Variants in HHIPL1 observed in about 807,000 individuals in gnomAD.
HHIPL1 encodes the protein HHIP-like protein 1.
HHIPL1 carries 43 observed loss-of-function variants against 61.8 expected under a neutral mutation model. That is an observed-to-expected ratio of 0.70 (90% CI 0.55 to 0.90). The LOEUF (loss-of-function observed/expected upper bound fraction) is 0.90, where lower values mean the gene tolerates loss of function less well. Among genes scored for constraint, HHIPL1 ranks in the 40% least tolerant of loss-of-function variants. The pLI, the probability that HHIPL1 is intolerant of heterozygous loss-of-function variation, is 0.00. For synonymous variants in HHIPL1, 482 were observed against 515.8 expected, an observed-to-expected ratio of 0.93 and a Z score of 0.89; for missense variants, 1,056 against 1,157.7, an observed-to-expected ratio of 0.91 and a Z score of 1.28.
intron 1 of HHIPL1, among the ~76,000 whole-genome samples, chr14:99,646,465 G>T (rs2055835510): frequency 6.6e-6 from 1 of 152,236 alleles, no homozygotes; most frequent in African/African-American, 2.4e-5. Context: ...GCAGGTCACT[G>T]CTGCACCTCA....
chr14:99,646,513 G>A (rs2055836021), intron 1 of HHIPL1, among the ~76,000 whole-genome samples: 1 of 152,202 alleles, frequency 6.6e-6, no homozygotes, highest in Admixed American at 6.5e-5. Flanking sequence ...GGTGGCTTAT[G>A]CCTGTAATCC....
chr14:99,655,497 A>G (rs1437498667), intron 2 of HHIPL1, among the ~76,000 whole-genome samples: 2 of 152,086 alleles, frequency 1.3e-5, no homozygotes, highest in African/African-American at 4.8e-5. Context: ...GGTGGCATGC[A>G]CCTGTAGTCT....
At chr14:99,622,613 C>A in the HHIPL1 span, among the ~76,000 whole-genome samples, 3 of 152,194 alleles carry the variant, frequency 2.0e-5, no homozygotes, top group Admixed American at 1.3e-4. Flanking sequence ...CCCCAGGGTC[C>A]CCAGCTATGG....
At chr14:99,637,918 G>A in the HHIPL1 span, among the ~76,000 whole-genome samples, 13 of 152,138 alleles carry the variant, frequency 8.5e-5, no homozygotes, top group African/African-American at 1.2e-4. Context: ...GCCAGAACTC[G>A]AACCCACTGC....
the HHIPL1 span, among the ~76,000 whole-genome samples, chr14:99,631,092 CTT>C: frequency 7.6e-4 from 110 of 145,080 alleles, no homozygotes; most frequent in Non-Finnish European, 1.3e-3. Context: ...TTCTTTCTTT[CTT>C]TCTTTCTTTC....
chr14:99,654,835 A>G (rs1484354940), intron 2 of HHIPL1, among the ~76,000 whole-genome samples: 2 of 152,240 alleles, frequency 1.3e-5, no homozygotes, highest in Non-Finnish European at 2.9e-5. Context: ...AGAGAGACCA[A>G]GTTTATCACA....
chr14:99,644,818 G>A (rs8018136), upstream of HHIPL1, among the ~76,000 whole-genome samples: 120,436 of 152,118 alleles, frequency 0.79, 47,899 homozygotes, highest in Admixed American at 0.84. Context: ...GCGGGCATCC[G>A]TTTCCCTAGC....
chr14:99,609,399 C>T, the HHIPL1 span, among the ~76,000 whole-genome samples: 3 of 152,216 alleles, frequency 2.0e-5, no homozygotes, highest in African/African-American at 7.2e-5. Flanking sequence ...GATATTTCTA[C>T]CCATTTTCCA....
At chr14:99,670,632 T>C (rs904998856) in intron 7 of HHIPL1, among the ~76,000 whole-genome samples, 8 of 152,204 alleles carry the variant, frequency 5.3e-5, no homozygotes, top group African/African-American at 1.9e-4. Flanking sequence ...ACTTCCTGCT[T>C]CCATCCCTTC....
chr14:99,623,647 C>T, the HHIPL1 span, among the ~76,000 whole-genome samples: 4 of 152,130 alleles, frequency 2.6e-5, no homozygotes, highest in African/African-American at 9.7e-5. Flanking sequence ...ATCCTGGTCT[C>T]AAGCAACCCT....
the HHIPL1 span, among the ~76,000 whole-genome samples, chr14:99,630,173 G>A: frequency 0.031 from 4,700 of 152,344 alleles, 127 homozygotes; most frequent in Middle Eastern, 0.088. Flanking sequence ...CCCCGGAGGA[G>A]CTCAGAATCC....
the HHIPL1 span, among the ~76,000 whole-genome samples, chr14:99,608,138 A>G: frequency 6.6e-6 from 1 of 152,110 alleles, no homozygotes; most frequent in Non-Finnish European, 1.5e-5. Flanking sequence ...GTGTGGAGAG[A>G]CACTATTACA....
chr14:99,634,200 G>T, the HHIPL1 span, among the ~76,000 whole-genome samples: 1 of 152,118 alleles, frequency 6.6e-6, no homozygotes, highest in Non-Finnish European at 1.5e-5. Flanking sequence ...GAGAGGGCAC[G>T]TATGTGTCTG....
At chr14:99,656,828 AAAGAAAGAAAGGAAGGAAGG>A (rs1566809823) in intron 2 of HHIPL1, among the ~76,000 whole-genome samples, 152 bp from the exon 3 acceptor site, 1 of 12,278 alleles carries the variant, frequency 8.1e-5, no homozygotes, top group African/African-American at 1.1e-4. Context: ...AGAAAGAAAG[AAAGAAAGAAAGGAAGGAAGG>A]AAGGAAGGAA....
At chr14:99,614,840 G>T in the HHIPL1 span, among the ~76,000 whole-genome samples, 7 of 152,044 alleles carry the variant, frequency 4.6e-5, no homozygotes, top group Non-Finnish European at 1.0e-4. Context: ...TGATTTTTTT[G>T]TCCCGTATCT....
chr14:99,666,179 G>C (rs544535370), intron 6 of HHIPL1, among the ~76,000 whole-genome samples: 1 of 152,230 alleles, frequency 6.6e-6, no homozygotes, highest in South Asian at 2.1e-4. Flanking sequence ...GGAAATGTGT[G>C]CTGGTTTCTA....
chr14:99,643,259 C>T (rs2055776291), upstream of HHIPL1, among the ~76,000 whole-genome samples: 1 of 151,728 alleles, frequency 6.6e-6, no homozygotes, highest in South Asian at 2.1e-4. Flanking sequence ...AGGCTGGTTT[C>T]GAACTCCTGA....
rs1005710549 is a variant in HHIPL1, at chr14:99,645,327, G to T, written c.120G>T (p.Ala40=). 16 of 1,458,690 alleles carry T rather than the reference G, an allele frequency of 1.1e-5. No individual in the cohort carries two copies. The African/African-American group carries it at 1.8e-4, about 16-fold the overall frequency. 90.4% of individuals were successfully genotyped at this position (1,458,690 alleles called of 1,614,324 possible). Residue 40 remains alanine, a synonymous_variant, in exon 1 of 9, where the codon GCG becomes GCT. Coordinates refer to ENST00000330710, the MANE Select transcript of HHIPL1 (RefSeq NM_001127258.3). ...CGACGCAGCCGCTGCGCCTCTGCGC[G>T]CAGTACTCGGACTTCGGCTGCTGCG... ...FRPTQPLRLC[A]QYSDFGCCDE... is the part of the protein sequence containing the mutation.
rs1187052818 is a variant in HHIPL1 at position 99,668,156 on chromosome 14, G to A, written c.1649-66G>A. 2 of 959,416 alleles carry A rather than the reference G, an allele frequency of 2.1e-6. No individual in the cohort carries two copies. Among genetic ancestry groups the A allele is most frequent in the Non-Finnish European group, 3.4e-6 (2 of 584,294 alleles). 59.4% of individuals were successfully genotyped at this position (959,416 alleles called of 1,614,324 possible). On this transcript the variant is annotated intron_variant, in intron 6 of 8. Coordinates refer to ENST00000330710, the MANE Select transcript of HHIPL1 (RefSeq NM_001127258.3). This position sits in a 1 kb window ranked among gnomAD's most constrained non-coding sequence, Gnocchi z 4.7. ...CCAAGCCTGCAGGGAGCCGGGTGGT[G>A]AGGCGGGGCTGGCTGGGACGGTATT...
Sources: allele counts gnomAD v4.1 joint callset (sites outside exome capture counted in the v4.1 genomes callset), GRCh38; gene constraint gnomAD v4.1.1; non-coding constraint Gnocchi (gnomAD v3.1); transcripts MANE v1.5; gene names NCBI Gene and HGNC (gene_info 2026-07-23, HGNC 2026-07-21).